ROBO1: variants seen among roughly 807,000 people sequenced by gnomAD.
The protein encoded by ROBO1 is roundabout homolog 1.
In ROBO1, 149 loss-of-function variants were observed where a neutral mutation model predicts 195.9. The observed-to-expected ratio is 0.76, with a 90% confidence interval of 0.67 to 0.87. The LOEUF is 0.87. Among genes scored for constraint, ROBO1 ranks in the 40% least tolerant of loss-of-function variants. The pLI, the probability that ROBO1 is intolerant of heterozygous loss-of-function variation, is 0.00. For missense variants in ROBO1, 1,933 were observed against 2,068.3 expected, an observed-to-expected ratio of 0.93 and a Z score of 1.27; for synonymous variants, 816 against 733.2, an observed-to-expected ratio of 1.11 and a Z score of -1.82.
chr3:79,446,151 TATAA>T (rs1394056263), intron 2 of ROBO1, among the ~76,000 whole-genome samples: 1 of 152,212 alleles, frequency 6.6e-6, no homozygotes, highest in African/African-American at 2.4e-5. Flanking sequence ...ACAACAAGGA[TATAA>T]ATATTCATTT....
At chr3:79,411,852 T>C (rs1473005851) in intron 2 of ROBO1, among the ~76,000 whole-genome samples, 1 of 152,156 alleles carries the variant, frequency 6.6e-6, no homozygotes, top group Non-Finnish European at 1.5e-5. Flanking sequence ...ACGCAGACCC[T>C]GATGCATTCC....
chr3:79,047,560 C>T (rs1374469349), intron 3 of ROBO1, among the ~76,000 whole-genome samples: 2 of 152,022 alleles, frequency 1.3e-5, no homozygotes, highest in African/African-American at 2.4e-5. Flanking sequence ...AAAGCAGTAC[C>T]TGAATTCTTG....
intron 2 of ROBO1, among the ~76,000 whole-genome samples, chr3:79,135,846 A>T (rs1278863046): frequency 6.6e-6 from 1 of 152,160 alleles, no homozygotes. Context: ...CATGTTGGTC[A>T]GGCTGTTATC....
At chr3:79,279,677 A>G (rs1471953729) in intron 2 of ROBO1, among the ~76,000 whole-genome samples, 2 of 152,180 alleles carry the variant, frequency 1.3e-5, no homozygotes, top group East Asian at 1.9e-4. Flanking sequence ...GCAGATATGG[A>G]ATTCCATACC....
intron 2 of ROBO1, among the ~76,000 whole-genome samples, chr3:79,225,699 T>G (rs936130712): frequency 6.6e-6 from 1 of 152,170 alleles, no homozygotes; most frequent in Non-Finnish European, 1.5e-5. Flanking sequence ...TTCCATACCC[T>G]CTTATTAAAA....
At chr3:79,298,746 AAAC>A in intron 2 of ROBO1, among the ~76,000 whole-genome samples, 1 of 152,252 alleles carries the variant, frequency 6.6e-6, no homozygotes, top group Middle Eastern at 3.4e-3. Flanking sequence ...TTCTTCATGT[AAAC>A]AGATACTCAA....
rs2031089438 is a variant in ROBO1 at position 79,276,977 on chromosome 3, C to T, written c.89-151438G>A. On this transcript the variant is annotated intron_variant, in intron 2 of 30. Coordinates refer to ENST00000464233, the MANE Select transcript of ROBO1 (RefSeq NM_002941.4). ...AAAAGGTAGACAATAATAAATGTTGCCGAATGTGTGGAGAAAAGGGAATCC... is the reference window on the plus strand; with the variant it reads ...AAAAGGTAGACAATAATAAATGTTGTCGAATGTGTGGAGAAAAGGGAATCC... Among the ~76,000 whole-genome samples, 3 of 151,870 alleles carry T rather than the reference C, an allele frequency of 2.0e-5. No homozygotes were observed. The South Asian group carries it at 6.2e-4, about 32-fold the overall frequency.
In ROBO1 at chr3:78,809,219, T is replaced by C. The variant is rs552024166; in HGVS notation, c.500-62319A>G. The stretch of plus-strand genomic sequence containing the variant: ...CACTTTTCAAAAGAAGATATTTATG[T>C]GACCAACAAACATATGAAAAAAAGC... On this transcript the variant is annotated intron_variant, in intron 4 of 30. Transcript: ENST00000464233. 2.9e-3 allele frequency among the ~76,000 whole-genome samples: 436 copies of C among 151,942 alleles called. 3 individuals carry two copies. Among genetic ancestry groups the C allele is most frequent in the African/African-American group, 9.9e-3 (412 of 41,488 alleles).
intron 2 of ROBO1, among the ~76,000 whole-genome samples, chr3:79,582,730 G>A (rs976127215): frequency 4.0e-5 from 6 of 151,850 alleles, no homozygotes; most frequent in African/African-American, 1.5e-4. Context: ...AGTACATATG[G>A]CTCCTCCAGA....
At chr3:79,041,199 T>C (rs1198350804) in intron 3 of ROBO1, among the ~76,000 whole-genome samples, 1 of 152,212 alleles carries the variant, frequency 6.6e-6, no homozygotes, top group Non-Finnish European at 1.5e-5. Context: ...TAATCCCTTA[T>C]ACTTTCATTT....
At chr3:79,376,904 T>C (rs1441698181) in intron 2 of ROBO1, among the ~76,000 whole-genome samples, 1 of 152,176 alleles carries the variant, frequency 6.6e-6, no homozygotes, top group Non-Finnish European at 1.5e-5. Flanking sequence ...AATAACAAGA[T>C]GTAAGGTTTC....
chr3:79,574,320 C>G (rs1025076396), intron 2 of ROBO1, among the ~76,000 whole-genome samples: 13 of 151,938 alleles, frequency 8.6e-5, no homozygotes, highest in Non-Finnish European at 1.6e-4. Context: ...GTCCACATTA[C>G]TATCTGTTTG....
At chr3:79,478,059 G>A (rs1032897933) in intron 2 of ROBO1, among the ~76,000 whole-genome samples, 1 of 152,036 alleles carries the variant, frequency 6.6e-6, no homozygotes, top group Non-Finnish European at 1.5e-5. Flanking sequence ...TACCCTTTAT[G>A]CTACAGAGAA....
At position 79,557,756 on chromosome 3, in the gene ROBO1, AT is replaced by A. The variant is rs1942761944; in HGVS notation, c.88+32067del. ...AAAACAAAAAAAAATATATATATAT[AT>A]ATATATATTTTATTGCAATTATTGC... On this transcript the variant is annotated intron_variant, in intron 2 of 30. Transcript: ENST00000464233. Among the ~76,000 whole-genome samples the A allele has an allele frequency of 2.1e-5, 3 of 145,880 alleles. No homozygotes were observed. The South Asian group carries it at 6.4e-4, about 31-fold the overall frequency.
At chr3:78,979,353 C>A (rs921262510) in intron 3 of ROBO1, among the ~76,000 whole-genome samples, 1 of 152,130 alleles carries the variant, frequency 6.6e-6, no homozygotes, top group Admixed American at 6.6e-5. Context: ...AATTAAAATG[C>A]ACAGGCTCTT....
chr3:79,565,398 G>A (rs981796777), intron 2 of ROBO1, among the ~76,000 whole-genome samples: 1 of 151,802 alleles, frequency 6.6e-6, no homozygotes, highest in East Asian at 1.9e-4. Flanking sequence ...AAGTGATACT[G>A]TATTACTATT....
At chr3:79,302,566 T>A (rs918417917) in intron 2 of ROBO1, among the ~76,000 whole-genome samples, 5 of 152,302 alleles carry the variant, frequency 3.3e-5, no homozygotes, top group South Asian at 2.1e-4. Flanking sequence ...GTCAGTTTGG[T>A]CATTCTTCCC....
At chr3:79,595,669 G>A (rs1320194835) in intron 1 of ROBO1, among the ~76,000 whole-genome samples, 2 of 151,340 alleles carry the variant, frequency 1.3e-5, no homozygotes, top group African/African-American at 4.9e-5. Context: ...CTCCTAAGCA[G>A]CTAGGACTAC....
chr3:78,645,733 A>G (rs558713373), intron 21 of ROBO1, among the ~76,000 whole-genome samples: 23 of 152,232 alleles, frequency 1.5e-4, no homozygotes, highest in African/African-American at 5.5e-4. Flanking sequence ...AATTCATAAC[A>G]AGAATAAACA....
Sources: gnomAD v4.1 joint callset for allele counts (sites outside exome capture counted in the v4.1 genomes callset) on GRCh38, gnomAD v4.1.1 for gene constraint, MANE v1.5 for transcripts, NCBI Gene and HGNC (gene_info 2026-07-23, HGNC 2026-07-21) for gene names.